The following FGGY variants were observed in gnomAD, a reference collection of about 807,000 sequenced individuals.
FGGY encodes FGGY carbohydrate kinase domain containing.
FGGY carries 72 observed loss-of-function variants against 71.3 expected under a neutral mutation model. The observed-to-expected ratio is 1.01, with a 90% confidence interval of 0.84 to 1.23. The LOEUF is 1.23. Among genes scored for constraint, FGGY ranks in the 50% most tolerant of loss-of-function variants. The pLI, the probability that FGGY is intolerant of heterozygous loss-of-function variation, is 0.00. For synonymous variants in FGGY, 251 were observed against 250.3 expected (o/e 1.00, Z -0.02); for missense variants, 668 against 682.3 (o/e 0.98, Z 0.23).
intron 14 of FGGY, among the ~76,000 whole-genome samples, chr1:59,747,671 C>T (rs968929769): frequency 6.6e-6 from 1 of 152,180 alleles, no homozygotes; most frequent in Non-Finnish European, 1.5e-5. Context: ...CAGGGTCATA[C>T]AGCTGGCAGT....
chr1:59,759,035 A>C (rs975128047), intron 15 of FGGY, among the ~76,000 whole-genome samples: 7 of 152,310 alleles, frequency 4.6e-5, no homozygotes, highest in African/African-American at 1.7e-4. Context: ...TCCAGGCTAG[A>C]GATGTAAAAG....
intron 7 of FGGY, among the ~76,000 whole-genome samples, chr1:59,532,155 G>T (rs573479631): frequency 6.6e-6 from 1 of 152,260 alleles, no homozygotes; most frequent in African/African-American, 2.4e-5. Flanking sequence ...GCAGAGATCT[G>T]GGAAGTAGAA....
intron 5 of FGGY, among the ~76,000 whole-genome samples, chr1:59,447,631 C>G (rs902306238): frequency 2.6e-5 from 4 of 152,114 alleles, no homozygotes; most frequent in African/African-American, 7.2e-5. Flanking sequence ...TCTCCTCCTG[C>G]TGTTCTTATG....
At chr1:59,446,238 A>T (rs2071214513) in intron 5 of FGGY, among the ~76,000 whole-genome samples, 1 of 152,104 alleles carries the variant, frequency 6.6e-6, no homozygotes, top group South Asian at 2.1e-4. Flanking sequence ...CAACTTTAAG[A>T]TCTTTTGTTT....
chr1:59,653,360 C>T (rs189388138), intron 11 of FGGY, among the ~76,000 whole-genome samples: 10 of 152,122 alleles, frequency 6.6e-5, no homozygotes, highest in Admixed American at 1.3e-4. Flanking sequence ...GCCTTGCTGC[C>T]GCCTTGCAGT....
intron 14 of FGGY, among the ~76,000 whole-genome samples, chr1:59,733,549 TCATTTCTTACTAAATAGTCA>T (rs1431950520): frequency 2.0e-5 from 3 of 152,186 alleles, no homozygotes; most frequent in Non-Finnish European, 1.5e-5. Context: ...AAGGACAAAT[TCATTTCTTACTAAATAGTCA>T]AGCTTAAAAC....
intron 5 of FGGY, among the ~76,000 whole-genome samples, chr1:59,412,890 A>T (rs1000545793): frequency 1.4e-4 from 21 of 152,192 alleles, no homozygotes; most frequent in Non-Finnish European, 1.2e-4. Flanking sequence ...ATGACATTTG[A>T]ACTGATAAGG....
intron 6 of FGGY, among the ~76,000 whole-genome samples, chr1:59,488,006 G>T (rs1389086383): frequency 6.6e-6 from 1 of 152,132 alleles, no homozygotes; most frequent in Non-Finnish European, 1.5e-5. Flanking sequence ...AACAATTTTA[G>T]TTCACTTTGC....
intron 8 of FGGY, among the ~76,000 whole-genome samples, chr1:59,593,389 G>T (rs2096481383): frequency 6.6e-6 from 1 of 152,168 alleles, no homozygotes; most frequent in Non-Finnish European, 1.5e-5. Flanking sequence ...ACACATACCT[G>T]CCCTTCCACT....
At chr1:59,668,470 T>G (rs1476854774) in intron 13 of FGGY, among the ~76,000 whole-genome samples, 2 of 152,114 alleles carry the variant, frequency 1.3e-5, no homozygotes, top group Non-Finnish European at 2.9e-5. Flanking sequence ...CTGTCCCTCA[T>G]CCCCTACTTT....
intron 11 of FGGY, among the ~76,000 whole-genome samples, chr1:59,653,295 T>C (rs4912404): frequency 0.82 from 125,046 of 152,212 alleles, 51,519 homozygotes; most frequent in Middle Eastern, 0.91. Flanking sequence ...TTCGAGCTTT[T>C]GGGCTGCTTT....
intron 7 of FGGY, among the ~76,000 whole-genome samples, chr1:59,528,712 T>C (rs2095060180): frequency 6.6e-6 from 1 of 152,214 alleles, no homozygotes; most frequent in African/African-American, 2.4e-5. Flanking sequence ...GGGAGTCTCC[T>C]ACCAGTATCA....
At chr1:59,407,141 T>G (rs1001116888) in intron 5 of FGGY, among the ~76,000 whole-genome samples, 2 of 152,156 alleles carry the variant, frequency 1.3e-5, no homozygotes, top group Non-Finnish European at 2.9e-5. Context: ...CACCTGCAGG[T>G]TGGGTCCTCC....
At chr1:59,355,060 G>A (rs1028310486) in intron 4 of FGGY, among the ~76,000 whole-genome samples, 1 of 152,218 alleles carries the variant, frequency 6.6e-6, no homozygotes, top group East Asian at 1.9e-4. Context: ...TTGAGGCCAG[G>A]GGCAGGAGTT....
At chr1:59,348,428 G>A (rs998913823) in intron 4 of FGGY, among the ~76,000 whole-genome samples, 1 of 152,148 alleles carries the variant, frequency 6.6e-6, no homozygotes, top group African/African-American at 2.4e-5. Context: ...CCAGATGTTA[G>A]GACTTCTTTC....
At chr1:59,414,287 C>A (rs2064029279) in intron 5 of FGGY, among the ~76,000 whole-genome samples, 1 of 152,150 alleles carries the variant, frequency 6.6e-6, no homozygotes, top group Non-Finnish European at 1.5e-5. Flanking sequence ...ATACTGTATT[C>A]CATCTTTAAG....
At position 59,530,139 on chromosome 1, in the gene FGGY, G is replaced by A. The variant is rs145849260; in HGVS notation, c.799+17700G>A. The stretch of plus-strand genomic sequence containing the variant: ...TATCTAGTATACTCACTCATTTAAA[G>A]TAGAGCCGTAAATCCTGAAGTTAAA... On this transcript the variant is annotated intron_variant, in intron 7 of 15. Transcript: ENST00000303721. Among the ~76,000 whole-genome samples the A allele has an allele frequency of 4.5e-4, 69 of 152,086 alleles. 1 individual carries two copies. Among genetic ancestry groups the A allele is most frequent in the African/African-American group, 1.5e-3 (63 of 41,496 alleles).
At chr1:59,322,620 A>G (rs1009236621) in intron 2 of FGGY, among the ~76,000 whole-genome samples, 1 of 152,176 alleles carries the variant, frequency 6.6e-6, no homozygotes, top group Non-Finnish European at 1.5e-5. Context: ...GCACGAAAAC[A>G]TGGTGTGTTC....
In FGGY at chr1:59,346,336, C is replaced by T; in HGVS notation, c.403C>T (p.Gln135Ter). The T allele has an allele frequency of 6.2e-7, 1 of 1,612,090 alleles. No homozygotes were observed. Among genetic ancestry groups the T allele is most frequent in the Non-Finnish European group, 8.5e-7 (1 of 1,179,686 alleles). The change falls in exon 4 of 16, where the codon CAG becomes TAG. Residue 135 changes from glutamine (Q) to a stop codon, truncating the protein, a stop_gained. Coordinates refer to ENST00000303721, the MANE Select transcript of FGGY (RefSeq NM_018291.5). LOFTEE classifies it high-confidence loss of function. ...CAATGAGACCAAGCACAGTGTCCTC[C>T]AGTACGTCGGGGGGGTGATGTCTGT... ...RINETKHSVLQYVGGVMSVEM... is the reference protein window; with the variant it reads ...RINETKHSVL
Sources: gnomAD v4.1 joint callset for allele counts (sites outside exome capture counted in the v4.1 genomes callset) on GRCh38, gnomAD v4.1.1 for gene constraint, MANE v1.5 for transcripts, NCBI Gene and HGNC (gene_info 2026-07-23, HGNC 2026-07-21) for gene names.